Variants in ZFAND3 observed in about 807,000 individuals in gnomAD.
The protein encoded by ZFAND3 is zinc finger AN1-type containing 3.
ZFAND3 carries 10 observed loss-of-function variants against 29.6 expected under a neutral mutation model. The observed-to-expected ratio is 0.34, with a 90% CI of 0.21 to 0.57. ZFAND3 has a LOEUF of 0.57. Ranked by LOEUF, ZFAND3 falls within the 20% of genes least tolerant of loss-of-function variation. The probability of loss-of-function intolerance (pLI) is 0.86; values close to 1 mark genes in which losing one functional copy is unlikely to be tolerated. For synonymous variants in ZFAND3, 128 were observed against 112.6 expected (o/e 1.14, Z -0.87); for missense variants, 230 against 304.5 (o/e 0.76, Z 1.82).
At position 38,040,391 on chromosome 6, in the gene ZFAND3, A is replaced by G. The variant is rs549363547; in HGVS notation, c.113-21202A>G. 5.9e-5 allele frequency among the ~76,000 whole-genome samples: 9 copies of G among 152,182 alleles called. No homozygotes were observed. In the South Asian group the frequency reaches 1.4e-3, roughly 25 times the overall value. On this transcript the variant is annotated intron_variant, in intron 2 of 5. Coordinates refer to ENST00000287218, the MANE Select transcript of ZFAND3 (RefSeq NM_021943.3). ...CACTTAATATTCTTAAAGTTCATTC[A>G]TATTGTAGCATTGGACAGAATTTCC...
At chr6:37,918,684 A>T (rs921385037) in intron 1 of ZFAND3, among the ~76,000 whole-genome samples, 1 of 152,114 alleles carries the variant, frequency 6.6e-6, no homozygotes, top group African/African-American at 2.4e-5. Flanking sequence ...ATGAAGCAAA[A>T]ATATTTGGCA....
intron 1 of ZFAND3, among the ~76,000 whole-genome samples, chr6:37,850,637 A>G (rs1039572590): frequency 6.6e-6 from 1 of 152,246 alleles, no homozygotes; most frequent in African/African-American, 2.4e-5. Flanking sequence ...GCCATACCAC[A>G]TAGCCTAGTT....
At chr6:38,107,889 A>G (rs1036797307) in intron 4 of ZFAND3, among the ~76,000 whole-genome samples, 3 of 152,040 alleles carry the variant, frequency 2.0e-5, no homozygotes, top group Admixed American at 6.6e-5. Flanking sequence ...GAATAAATCC[A>G]GGTGGTGGTA....
chr6:37,874,843 G>A (rs1047464114), intron 1 of ZFAND3, among the ~76,000 whole-genome samples: 1 of 152,130 alleles, frequency 6.6e-6, no homozygotes, highest in African/African-American at 2.4e-5. Context: ...CCAAAGTGCT[G>A]GTATTACAGG....
chr6:37,900,083 A>G (rs970966677), intron 1 of ZFAND3, among the ~76,000 whole-genome samples: 4 of 152,174 alleles, frequency 2.6e-5, no homozygotes, highest in Admixed American at 6.5e-5. Context: ...TACTCAATAG[A>G]TTCAGCATAC....
rs1766290649 is a variant in ZFAND3, at chr6:38,153,912, A to G, written c.*1523A>G. 1.0e-6 allele frequency: 1 copy of G among 985,338 alleles called. No homozygotes were observed. Among genetic ancestry groups the G allele is most frequent in the Admixed American group, 6.1e-5 (1 of 16,276 alleles). The allele number at this position is 985,338 out of a possible 1,614,324, so 61.0% of individuals were successfully genotyped here. A position where few individuals can be genotyped will look rare whatever the true frequency, so the allele number is the denominator to read the frequency against. On this transcript the variant is annotated 3_prime_UTR_variant, in exon 6 of 6. Coordinates refer to ENST00000287218, the MANE Select transcript of ZFAND3 (RefSeq NM_021943.3). The stretch of plus-strand genomic sequence containing the variant: ...TAACCCAGCAACTTTCCTTTTTATA[A>G]AACAACAAATGGTTCAACTCTGTCT...
At chr6:37,852,571 C>T (rs1764300838) in intron 1 of ZFAND3, among the ~76,000 whole-genome samples, 1 of 152,144 alleles carries the variant, frequency 6.6e-6, no homozygotes, top group Non-Finnish European at 1.5e-5. Context: ...CTTATTTCTT[C>T]TCTTTTTGGA....
chr6:38,027,858 T>G (rs930992670), intron 2 of ZFAND3, among the ~76,000 whole-genome samples: 2 of 152,254 alleles, frequency 1.3e-5, no homozygotes, highest in African/African-American at 4.8e-5. Context: ...TAATTTCATT[T>G]GAGCACAAGT....
At chr6:37,838,749 T>C (rs1764015323) in intron 1 of ZFAND3, among the ~76,000 whole-genome samples, 1 of 152,254 alleles carries the variant, frequency 6.6e-6, no homozygotes, top group Non-Finnish European at 1.5e-5. Context: ...TTCAGGTTTT[T>C]GGCTATTATG....
chr6:38,125,999 TTG>T (rs1361622716), intron 5 of ZFAND3, among the ~76,000 whole-genome samples: 1 of 152,212 alleles, frequency 6.6e-6, no homozygotes, highest in Non-Finnish European at 1.5e-5. Context: ...TTTAGTAGAT[TTG>T]TGTAAGTTGT....
chr6:37,868,830 A>G (rs79071360), intron 1 of ZFAND3, among the ~76,000 whole-genome samples: 9,726 of 152,284 alleles, frequency 0.064, 432 homozygotes, highest in Non-Finnish European at 0.093. Flanking sequence ...TCACAATTTG[A>G]TATGAGGTGT....
chr6:38,013,704 C>T (rs1250424336), intron 2 of ZFAND3, among the ~76,000 whole-genome samples: 1 of 151,628 alleles, frequency 6.6e-6, no homozygotes, highest in Non-Finnish European at 1.5e-5. Flanking sequence ...AAAACTTAGC[C>T]ACACATTTAA....
At chr6:38,000,488 A>G (rs995446474) in intron 2 of ZFAND3, among the ~76,000 whole-genome samples, 2 of 152,144 alleles carry the variant, frequency 1.3e-5, no homozygotes, top group Non-Finnish European at 2.9e-5. Context: ...GCAGAAGACA[A>G]AGGAGAAGCA....
intron 2 of ZFAND3, among the ~76,000 whole-genome samples, chr6:38,039,017 C>T (rs978057551): frequency 6.6e-6 from 1 of 152,148 alleles, no homozygotes; most frequent in African/African-American, 2.4e-5. Flanking sequence ...TGGAAATAAA[C>T]CTAGATCACA....
At chr6:37,994,619 G>A (rs1035367631) in intron 2 of ZFAND3, among the ~76,000 whole-genome samples, 2 of 152,160 alleles carry the variant, frequency 1.3e-5, no homozygotes, top group African/African-American at 4.8e-5. Context: ...CAAATACAGT[G>A]TAGATGCCTT....
intron 1 of ZFAND3, among the ~76,000 whole-genome samples, chr6:37,891,496 G>T (rs754624214): frequency 5.4e-5 from 8 of 148,172 alleles, no homozygotes; most frequent in Non-Finnish European, 1.0e-4. Context: ...CTACTTGGGA[G>T]GCTGAGGCAG....
At chr6:37,991,080 T>A (rs977718584) in intron 2 of ZFAND3, among the ~76,000 whole-genome samples, 2 of 152,212 alleles carry the variant, frequency 1.3e-5, no homozygotes, top group Non-Finnish European at 2.9e-5. Context: ...TCTCTTTTTT[T>A]AAGTTCTGTG....
intron 2 of ZFAND3, among the ~76,000 whole-genome samples, chr6:37,971,051 A>T (rs993669161): frequency 6.6e-6 from 1 of 152,260 alleles, no homozygotes; most frequent in Non-Finnish European, 1.5e-5. Context: ...TGATGTTGAT[A>T]CAAGTGTATT....
chr6:38,082,154 T>TG (rs1420767434), intron 3 of ZFAND3, among the ~76,000 whole-genome samples: 3 of 150,788 alleles, frequency 2.0e-5, no homozygotes, highest in Non-Finnish European at 3.0e-5. Flanking sequence ...TTTTTTTTTT[T>TG]TTGTGTGTGA....
Sources: gnomAD v4.1 joint callset for allele counts (sites outside exome capture counted in the v4.1 genomes callset) on GRCh38, gnomAD v4.1.1 for gene constraint, MANE v1.5 for transcripts, NCBI Gene and HGNC (gene_info 2026-07-23, HGNC 2026-07-21) for gene names.